The following MARCHF8 variants were observed in gnomAD, a reference collection of about 807,000 sequenced individuals.
MARCHF8 encodes membrane associated ring-CH-type finger 8, also known as E3 ubiquitin-protein ligase MARCHF8.
MARCHF8 carries 40 observed loss-of-function variants against 51.6 expected under a neutral mutation model. That is an observed-to-expected ratio of 0.77 (90% confidence interval 0.60 to 1.01). The LOEUF (loss-of-function observed/expected upper bound fraction) is 1.01. Ranked by LOEUF, MARCHF8 falls within the 50% of genes least tolerant of loss-of-function variation. The pLI, the probability that MARCHF8 is intolerant of heterozygous loss-of-function variation, is 0.00. For synonymous variants in MARCHF8, 263 were observed against 280.3 expected, an observed-to-expected ratio of 0.94 and a Z score of 0.62; for missense variants, 685 against 708.6, an observed-to-expected ratio of 0.97 and a Z score of 0.38.
At chr10:45,586,616 T>C (rs76395348) in intron 1 of MARCHF8, among the ~76,000 whole-genome samples, 5,349 of 152,260 alleles carry the variant, frequency 0.035, 142 homozygotes, top group East Asian at 0.052. Context: ...TTCTGATTGC[T>C]CTACATCCTC....
chr10:45,509,934 A>G (rs2043463621), intron 2 of MARCHF8, among the ~76,000 whole-genome samples: 2 of 152,224 alleles, frequency 1.3e-5, no homozygotes, highest in Admixed American at 6.5e-5. Context: ...TAAGAACTTT[A>G]AGGAACTTTT....
chr10:45,470,260 G>A (rs941571699), intron 3 of MARCHF8, among the ~76,000 whole-genome samples: 1 of 152,202 alleles, frequency 6.6e-6, no homozygotes, highest in Non-Finnish European at 1.5e-5. Context: ...GAGGCCTGGG[G>A]AGGACTGCGT....
chr10:45,502,899 C>A (rs1201670412), intron 2 of MARCHF8, among the ~76,000 whole-genome samples: 2 of 152,044 alleles, frequency 1.3e-5, no homozygotes, highest in Non-Finnish European at 2.9e-5. Context: ...TATTCTTTTT[C>A]TCTTGATTCT....
At chr10:45,592,860 T>C (rs1206303751) in intron 1 of MARCHF8, among the ~76,000 whole-genome samples, 1 of 152,208 alleles carries the variant, frequency 6.6e-6, no homozygotes, top group Non-Finnish European at 1.5e-5. Flanking sequence ...AACGAATCTT[T>C]TTTTTAGTAC....
chr10:45,590,123 TAGAC>T (rs748613540), intron 1 of MARCHF8, among the ~76,000 whole-genome samples: 3 of 152,352 alleles, frequency 2.0e-5, no homozygotes, highest in South Asian at 2.1e-4. Flanking sequence ...GATGGTCACT[TAGAC>T]AGTCACTTAG....
At chr10:45,526,405 C>T (rs2043795043) in intron 2 of MARCHF8, among the ~76,000 whole-genome samples, 1 of 152,096 alleles carries the variant, frequency 6.6e-6, no homozygotes, top group Non-Finnish European at 1.5e-5. Flanking sequence ...TGTGGGAGAC[C>T]CCCTTGACCC....
chr10:45,500,891 C>T (rs977726787), intron 2 of MARCHF8, among the ~76,000 whole-genome samples: 1 of 151,628 alleles, frequency 6.6e-6, no homozygotes, highest in Non-Finnish European at 1.5e-5. Flanking sequence ...ATATAACACA[C>T]ATATAGCAAT....
In MARCHF8 at chr10:45,533,279, T is replaced by C. The variant is rs1290028969; in HGVS notation, c.-68A>G. On this transcript the variant is annotated 5_prime_UTR_variant, in exon 2 of 8. It removes an upstream start codon present in the reference 5' UTR. Transcript: ENST00000453424. ...CCACTGGTAGAGTCATTTTGGGCCA[T>C]GGATTTCAAGCTGAGAGAAAATGAA... The C allele has an allele frequency of 4.0e-6, 6 of 1,515,214 alleles. No individual in the cohort carries two copies. The highest frequency in any genetic ancestry group is 2.4e-5 in the Admixed American group (1 of 41,350). 93.9% of individuals were successfully genotyped at this position (1,515,214 alleles called of 1,614,324 possible). A position where few individuals can be genotyped will look rare whatever the true frequency, so the allele number is the denominator to read the frequency against.
intron 2 of MARCHF8, among the ~76,000 whole-genome samples, chr10:45,492,337 G>A (rs986097162): frequency 3.4e-5 from 5 of 147,690 alleles, no homozygotes; most frequent in Non-Finnish European, 5.9e-5. Context: ...TCGCTCTGTC[G>A]CCCAGGCTGG....
chr10:45,573,585 C>G (rs1010088761), intron 1 of MARCHF8, among the ~76,000 whole-genome samples: 2 of 152,190 alleles, frequency 1.3e-5, no homozygotes, highest in African/African-American at 4.8e-5. Flanking sequence ...GGAAATCCAA[C>G]TCGCCCAGCA....
chr10:45,521,557 T>C (rs2043706467), intron 2 of MARCHF8, among the ~76,000 whole-genome samples: 1 of 152,178 alleles, frequency 6.6e-6, no homozygotes, highest in Non-Finnish European at 1.5e-5. Context: ...AAAGTCTGCC[T>C]GTGCCTCCCA....
At chr10:45,516,416 G>A (rs553393855) in intron 2 of MARCHF8, among the ~76,000 whole-genome samples, 2 of 150,180 alleles carry the variant, frequency 1.3e-5, no homozygotes, top group East Asian at 2.1e-4. Flanking sequence ...TCCCAAAATG[G>A]TAGGATTATA....
intron 1 of MARCHF8, among the ~76,000 whole-genome samples, chr10:45,565,580 A>G (rs868620645): frequency 6.8e-6 from 1 of 147,920 alleles, no homozygotes; most frequent in African/African-American, 2.6e-5. Flanking sequence ...CAAAAAAATA[A>G]AAAAAAAAAG....
intron 3 of MARCHF8, among the ~76,000 whole-genome samples, chr10:45,480,814 G>A (rs2042872530): frequency 6.6e-6 from 1 of 152,236 alleles, no homozygotes; most frequent in African/African-American, 2.4e-5. Flanking sequence ...GGGAAATGTG[G>A]GTTGCAAGCC....
At chr10:45,565,200 G>C (rs928462299) in intron 1 of MARCHF8, among the ~76,000 whole-genome samples, 2 of 152,088 alleles carry the variant, frequency 1.3e-5, no homozygotes, top group South Asian at 2.1e-4. Flanking sequence ...GGAGGCCAAG[G>C]GGGGTGAATC....
chr10:45,489,474 A>G (rs1050215568), intron 2 of MARCHF8, 57 bp from the exon 3 acceptor site: 123 of 1,460,852 alleles, frequency 8.4e-5, no homozygotes, highest in Non-Finnish European at 7.8e-5. Flanking sequence ...TATGCAAAGA[A>G]CAAGTAATTG....
chr10:45,462,686 C>T (rs200825758), intron 5 of MARCHF8, among the ~76,000 whole-genome samples: 4 of 150,618 alleles, frequency 2.7e-5, no homozygotes, highest in East Asian at 3.9e-4. Flanking sequence ...AGTGCAATGG[C>T]GCAATCTTGG....
At chr10:45,537,798 G>C (rs1194597357), upstream of MARCHF8, among the ~76,000 whole-genome samples, 3 of 152,078 alleles carry the variant, frequency 2.0e-5, no homozygotes, top group Non-Finnish European at 4.4e-5. Flanking sequence ...CAAGAGCTGG[G>C]GTAGGAATGG....
Position 45,458,497 on chromosome 10 carries a change from G to A in MARCHF8, c.1464C>T (p.Ile488=), listed in dbSNP as rs201776325. The part of the protein sequence containing the change: ...PFWTKLVVVA[I]GFTGGLLFMY... ...TAAAAAGAAGTCCTCCGGTGAAGCC[G>A]ATGGCCACAACCACCAATTTAGTCC... The change falls in exon 8 of 8, where the codon ATC becomes ATT. Residue 488 remains isoleucine, a synonymous_variant. Transcript: ENST00000453424. 43 of 1,611,020 alleles carry A rather than the reference G, an allele frequency of 2.7e-5. No individual in the cohort carries two copies. In the East Asian group the frequency reaches 4.2e-4, roughly 16 times the overall value.
Sources: gnomAD v4.1 joint callset for allele counts (sites outside exome capture counted in the v4.1 genomes callset) on GRCh38, gnomAD v4.1.1 for gene constraint, MANE v1.5 for transcripts, NCBI Gene and HGNC (gene_info 2026-07-23, HGNC 2026-07-21) for gene names.